Variants in XPO4 observed in about 807,000 individuals in gnomAD.
XPO4 encodes exportin 4.
A neutral mutation model predicts 143.0 loss-of-function variants in XPO4; 39 were observed. That is an observed-to-expected ratio of 0.27 (90% confidence interval 0.21 to 0.36). The LOEUF (loss-of-function observed/expected upper bound fraction) is 0.36. Among genes scored for constraint, XPO4 ranks in the 10% least tolerant of loss-of-function variants. XPO4 has a pLI of 1.00. For missense variants in XPO4, 907 were observed against 1,348.0 expected, an observed-to-expected ratio of 0.67 and a Z score of 5.12; for synonymous variants, 439 against 474.0, an observed-to-expected ratio of 0.93 and a Z score of 0.96.
intron 2 of XPO4, among the ~76,000 whole-genome samples, chr13:20,863,980 T>C (rs1323041777): frequency 6.6e-6 from 1 of 152,186 alleles, no homozygotes; most frequent in Non-Finnish European, 1.5e-5. Flanking sequence ...GTACCCTATA[T>C]AAATTCCTAT....
chr13:20,865,986 C>T, intron 2 of XPO4: 1 of 963,488 alleles, frequency 1.0e-6, no homozygotes, highest in South Asian at 4.8e-5. Context: ...CTTGTGAGAT[C>T]AGAAGTGAAA....
At chr13:20,868,569 T>C (rs769150230) in intron 2 of XPO4, 27 bp downstream of exon 2, 2 of 1,604,156 alleles carry the variant, frequency 1.2e-6, no homozygotes, top group Admixed American at 1.7e-5. Flanking sequence ...TGCCAAAATA[T>C]TTTATATTTT....
At chr13:20,902,599 G>C in intron 1 of XPO4, 71 bp downstream of exon 1, 1 of 1,452,608 alleles carries the variant, frequency 6.9e-7, no homozygotes, top group Middle Eastern at 1.8e-4. Context: ...CCAGCGAGCA[G>C]CAAGGCCTGG....
intron 18 of XPO4, among the ~76,000 whole-genome samples, chr13:20,793,965 T>C (rs1231622998): frequency 6.6e-6 from 1 of 152,226 alleles, no homozygotes; most frequent in Non-Finnish European, 1.5e-5. Flanking sequence ...GAGGCAGTTC[T>C]GATTTCCTAA....
intron 1 of XPO4, among the ~76,000 whole-genome samples, chr13:20,899,070 A>T (rs899503970): frequency 6.6e-6 from 1 of 152,162 alleles, no homozygotes; most frequent in African/African-American, 2.4e-5. Flanking sequence ...ACTACACTCC[A>T]GCTGGGACAA....
chr13:20,831,806 T>A (rs1203329128), intron 6 of XPO4, among the ~76,000 whole-genome samples: 1 of 66,382 alleles, frequency 1.5e-5, no homozygotes, highest in South Asian at 4.2e-4. Flanking sequence ...GTACAGTGAT[T>A]TTTTTTTTTT....
chr13:20,807,249 G>C (rs561802916), intron 13 of XPO4, among the ~76,000 whole-genome samples: 1 of 152,106 alleles, frequency 6.6e-6, no homozygotes, highest in East Asian at 1.9e-4. Flanking sequence ...TTCAGTACTG[G>C]GTATAGCTGT....
At chr13:20,834,890 G>T (rs1246159983) in intron 6 of XPO4, among the ~76,000 whole-genome samples, 1 of 152,156 alleles carries the variant, frequency 6.6e-6, no homozygotes, top group Admixed American at 6.5e-5. Flanking sequence ...GAACTCAGAG[G>T]TCAAGGCTGC....
At chr13:20,894,925 C>T (rs1293292770) in intron 1 of XPO4, among the ~76,000 whole-genome samples, 2 of 151,550 alleles carry the variant, frequency 1.3e-5, no homozygotes, top group African/African-American at 2.4e-5. Flanking sequence ...CGCCTGTAAT[C>T]CCAGCATTCT....
intron 22 of XPO4, among the ~76,000 whole-genome samples, chr13:20,784,458 G>A: frequency 6.6e-6 from 1 of 152,194 alleles, no homozygotes; most frequent in South Asian, 2.1e-4. Flanking sequence ...GTGGAGCAGG[G>A]CACTCTGAAA....
intron 3 of XPO4, chr13:20,857,695 C>A: frequency 2.7e-6 from 1 of 373,994 alleles, no homozygotes; most frequent in Non-Finnish European, 3.7e-6. Flanking sequence ...CCACTGCACT[C>A]CAGCCTGGGC....
chr13:20,796,203 A>C lies in XPO4; in HGVS notation c.2670T>G (p.Ser890=). 6.2e-7 allele frequency: 1 copy of C among 1,613,592 alleles called. No individual in the cohort carries two copies. The highest frequency in any genetic ancestry group is 2.2e-5 in the East Asian group (1 of 44,838). Residue 890 remains serine, a synonymous_variant, in exon 18 of 23, where the codon TCT becomes TCG. Transcript: ENST00000255305. ...EACLTLLQVY[S]KNNLGRQRID... The stretch of plus-strand genomic sequence containing the variant: ...TTCTTTGCCGCCCTAAATTATTCTT[A>C]GAATACACTTGCAACAAAGTAAGGC...
chr13:20,865,980 T>G, intron 2 of XPO4: 36 of 954,128 alleles, frequency 3.8e-5, no homozygotes, highest in South Asian at 4.8e-5. Flanking sequence ...TTGGCACTTG[T>G]GAGATCAGAA....
chr13:20,796,896 A>T lies in XPO4; in HGVS notation c.2484T>A (p.Phe828Leu). 6.2e-7 allele frequency: 1 copy of T among 1,614,184 alleles called. No homozygotes were observed. Among genetic ancestry groups the T allele is most frequent in the South Asian group, 1.1e-5 (1 of 91,076 alleles). ...ATQIDNVAILFNFLMDFLTNC... is the reference protein window; with the variant it reads ...ATQIDNVAILLNFLMDFLTNC... ...TGGTAAGGAAGTCCATTAAAAAATT[A>T]AACAGGATTGCTACGTTGTCAATCT... is the stretch of plus-strand genomic sequence containing the variant. The change falls in exon 17 of 23, where the codon TTT (phenylalanine) becomes TTA (leucine). Residue 828 changes from phenylalanine to leucine, a missense_variant. Phe to Leu is a conservative substitution (Grantham distance 22). Coordinates refer to ENST00000255305, the MANE Select transcript of XPO4 (RefSeq NM_022459.5).
chr13:20,866,560 G>A (rs1418331656), intron 2 of XPO4, among the ~76,000 whole-genome samples: 1 of 152,182 alleles, frequency 6.6e-6, no homozygotes, highest in Non-Finnish European at 1.5e-5. Context: ...AACTGAATAA[G>A]GAGTGAAAAG....
intron 10 of XPO4, among the ~76,000 whole-genome samples, chr13:20,809,471 CAACT>C (rs2137892237): frequency 6.6e-6 from 1 of 152,298 alleles, no homozygotes; most frequent in South Asian, 2.1e-4. Flanking sequence ...GTGATCAACA[CAACT>C]AACTGCACAC....
intron 1 of XPO4, among the ~76,000 whole-genome samples, chr13:20,870,018 T>C (rs1334650670): frequency 7.0e-6 from 1 of 143,858 alleles, no homozygotes; most frequent in Non-Finnish European, 1.5e-5. Flanking sequence ...GAGAATCGCT[T>C]GAACCCGGGA....
chr13:20,790,435 A>T (rs377580842), intron 19 of XPO4, 27 bp downstream of exon 19: 93 of 1,460,366 alleles, frequency 6.4e-5, no homozygotes, highest in Non-Finnish European at 8.7e-5. Flanking sequence ...ACATAGTGGT[A>T]TGTTCACATT....
Position 20,783,847 on chromosome 13 carries a change from C to G in XPO4, c.3331G>C (p.Asp1111His), listed in dbSNP as rs1238059841. The G allele has an allele frequency of 6.2e-7, 1 of 1,614,206 alleles. No individual in the cohort carries two copies. The highest frequency in any genetic ancestry group is 1.1e-5 in the South Asian group (1 of 91,086). The change falls in exon 23 of 23, where the codon GAT becomes CAT. Residue 1111 changes from aspartate (D) to histidine (H), a missense_variant. By Grantham distance (81) the Asp-to-His change is moderately conservative. Coordinates refer to ENST00000255305, the MANE Select transcript of XPO4 (RefSeq NM_022459.5). ...CTTGCAGTGAGCTTGTTGAAGGCAT[C>G]TGCTAATCTCTGGTAAATAACTGGG... is the stretch of plus-strand genomic sequence containing the variant. ...QDPVIYQRLA[D>H]AFNKLTASST...
Sources: allele counts gnomAD v4.1 joint callset (sites outside exome capture counted in the v4.1 genomes callset), GRCh38; gene constraint gnomAD v4.1.1; transcripts MANE v1.5; gene names NCBI Gene and HGNC (gene_info 2026-07-23, HGNC 2026-07-21).